The following PDCD1LG2 variants were observed in gnomAD, a reference collection of about 807,000 sequenced individuals.
PDCD1LG2 encodes the protein programmed cell death 1 ligand 2.
In PDCD1LG2, 32 loss-of-function variants were observed where a neutral mutation model predicts 28.2. The ratio of observed to expected loss-of-function variants is 1.13; its 90% CI spans 0.86 to 1.52. PDCD1LG2 has a LOEUF of 1.52. Ranked by LOEUF, PDCD1LG2 falls within the 40% of genes most tolerant of loss-of-function variation. PDCD1LG2 has a pLI of 0.00. For missense variants in PDCD1LG2, 385 were observed against 323.8 expected (o/e 1.19, Z -1.45); for synonymous variants, 116 against 120.2 (o/e 0.97, Z 0.23).
chr9:5,548,485 T>A (rs1422082100), intron 3 of PDCD1LG2, among the ~76,000 whole-genome samples: 1 of 152,352 alleles, frequency 6.6e-6, no homozygotes, highest in South Asian at 2.1e-4. Flanking sequence ...CTCTTCAACA[T>A]ACTAAATTCA....
At position 5,570,151 on chromosome 9, in the gene PDCD1LG2, A is replaced by G; in HGVS notation, c.*192A>G. ...GGCCATGAAACTTGCCCCTTCACTG[A>G]TCTGGACTCACCTCTGGAGCCTATG... On this transcript the variant is annotated 3_prime_UTR_variant, in exon 7 of 7. Coordinates refer to ENST00000397747, the MANE Select transcript of PDCD1LG2 (RefSeq NM_025239.4). 1 of 705,314 alleles carries G rather than the reference A, an allele frequency of 1.4e-6. No individual in the cohort carries two copies. The highest frequency in any genetic ancestry group is 1.7e-5 in the South Asian group (1 of 57,510). 43.7% of individuals were successfully genotyped at this position (705,314 alleles called of 1,614,324 possible). A position where few individuals can be genotyped will look rare whatever the true frequency, so the allele number is the denominator to read the frequency against.
chr9:5,532,239 C>G (rs1282121786), intron 2 of PDCD1LG2, among the ~76,000 whole-genome samples: 1 of 152,206 alleles, frequency 6.6e-6, no homozygotes, highest in Non-Finnish European at 1.5e-5. Flanking sequence ...TGTGCCCCTC[C>G]TGCACAAAAG....
intron 5 of PDCD1LG2, among the ~76,000 whole-genome samples, chr9:5,561,652 C>T (rs971336912): frequency 4.6e-5 from 7 of 152,210 alleles, no homozygotes; most frequent in Non-Finnish European, 1.0e-4. Flanking sequence ...AAGTCACCAG[C>T]TACAGAATCT....
At chr9:5,566,814 C>A (rs999473017) in intron 6 of PDCD1LG2, among the ~76,000 whole-genome samples, 1 of 152,016 alleles carries the variant, frequency 6.6e-6, no homozygotes, top group African/African-American at 2.4e-5. Context: ...TGGGGAAATA[C>A]TTTCTATATA....
At chr9:5,567,846 C>A (rs181044022) in intron 6 of PDCD1LG2, among the ~76,000 whole-genome samples, 5 of 152,324 alleles carry the variant, frequency 3.3e-5, no homozygotes, top group African/African-American at 1.2e-4. Flanking sequence ...ATAAGGTACT[C>A]AAGAAACAGT....
chr9:5,548,859 G>C (rs879711199), intron 3 of PDCD1LG2, among the ~76,000 whole-genome samples: 1 of 152,108 alleles, frequency 6.6e-6, no homozygotes, highest in Non-Finnish European at 1.5e-5. Flanking sequence ...GAAGATGTTT[G>C]GAAAAAATAC....
intron 4 of PDCD1LG2, among the ~76,000 whole-genome samples, chr9:5,556,884 A>G (rs1563832728): frequency 6.6e-6 from 1 of 152,168 alleles, no homozygotes; most frequent in Non-Finnish European, 1.5e-5. Context: ...AGGACTTTAC[A>G]AGGCTTTCCC....
intron 5 of PDCD1LG2, among the ~76,000 whole-genome samples, chr9:5,560,115 ACTT>A (rs1264066595): frequency 6.6e-6 from 1 of 152,140 alleles, no homozygotes; most frequent in Non-Finnish European, 1.5e-5. Context: ...CATAGCACCT[ACTT>A]CTTCTTTCAG....
At chr9:5,566,875 G>C (rs1816676741) in intron 6 of PDCD1LG2, among the ~76,000 whole-genome samples, 1 of 152,056 alleles carries the variant, frequency 6.6e-6, no homozygotes, top group Non-Finnish European at 1.5e-5. Context: ...TATCATTCAT[G>C]TCCTATTAAA....
intron 2 of PDCD1LG2, among the ~76,000 whole-genome samples, chr9:5,531,252 T>C (rs772452531): frequency 6.6e-6 from 1 of 152,218 alleles, no homozygotes; most frequent in Admixed American, 6.5e-5. Context: ...ATTGTTTGCA[T>C]CAGTGTCTTG....
chr9:5,534,761 A>G lies in PDCD1LG2; in HGVS notation c.72A>G (p.Thr24=), dbSNP rs754474232. The change falls in exon 3 of 7, where the codon ACA becomes ACG. Residue 24 remains threonine (T), a synonymous_variant. Transcript: ENST00000397747. ...LHQIAALFTV[T]VPKELYIIEH... is the part of the protein sequence containing the mutation. ...TCTTTTCAGCTTTATTCACAGTGAC[A>G]GTCCCTAAGGAACTGTACATAATAG... 3.9e-5 allele frequency: 62 copies of G among 1,601,300 alleles called. No homozygotes were observed. Among genetic ancestry groups the G allele is most frequent in the Non-Finnish European group, 5.1e-5 (60 of 1,171,508 alleles).
intron 2 of PDCD1LG2, among the ~76,000 whole-genome samples, chr9:5,527,725 CTG>C (rs1820405680): frequency 6.6e-6 from 1 of 152,184 alleles, no homozygotes; most frequent in South Asian, 2.1e-4. Flanking sequence ...TTGTGAGAAA[CTG>C]CCAAACCTTT....
chr9:5,518,177 C>G (rs1395753904), intron 1 of PDCD1LG2, among the ~76,000 whole-genome samples: 1 of 152,212 alleles, frequency 6.6e-6, no homozygotes, highest in Non-Finnish European at 1.5e-5. Context: ...TAGAGGCTTA[C>G]AATTTGTAAA....
At chr9:5,552,001 T>A (rs913452547) in intron 4 of PDCD1LG2, among the ~76,000 whole-genome samples, 1 of 152,164 alleles carries the variant, frequency 6.6e-6, no homozygotes, top group Non-Finnish European at 1.5e-5. Flanking sequence ...CATTCCAGAT[T>A]TCCCTCACCT....
At chr9:5,563,272 T>A in intron 6 of PDCD1LG2, 61 bp downstream of exon 6, 2 of 1,377,956 alleles carry the variant, frequency 1.5e-6, no homozygotes, top group East Asian at 4.7e-5. Flanking sequence ...GCTTGAATTT[T>A]AAAGTAACCA....
At chr9:5,538,634 G>A (rs951462810) in intron 3 of PDCD1LG2, among the ~76,000 whole-genome samples, 9 of 151,650 alleles carry the variant, frequency 5.9e-5, no homozygotes, top group African/African-American at 2.2e-4. Flanking sequence ...CTTGTAGTGA[G>A]CCGAGATCGC....
At chr9:5,521,655 G>T (rs12003838) in intron 1 of PDCD1LG2, among the ~76,000 whole-genome samples, 21,644 of 152,010 alleles carry the variant, frequency 0.14, 2,118 homozygotes, top group East Asian at 0.4. Flanking sequence ...TGATGTAAAT[G>T]AGGTTCTATC....
intron 3 of PDCD1LG2, among the ~76,000 whole-genome samples, chr9:5,543,794 G>A (rs1164686648): frequency 7.7e-6 from 1 of 129,250 alleles, no homozygotes; most frequent in African/African-American, 3.0e-5. Flanking sequence ...GGAAGCCTAG[G>A]AGTAAAATAA....
At chr9:5,568,861 A>G (rs2129970590) in intron 6 of PDCD1LG2, among the ~76,000 whole-genome samples, 1 of 152,314 alleles carries the variant, frequency 6.6e-6, no homozygotes, top group Non-Finnish European at 1.5e-5. Context: ...TATAAGAGGG[A>G]CAAACAATAC....
Sources: allele counts gnomAD v4.1 joint callset (sites outside exome capture counted in the v4.1 genomes callset), GRCh38; gene constraint gnomAD v4.1.1; transcripts MANE v1.5; gene names NCBI Gene and HGNC (gene_info 2026-07-23, HGNC 2026-07-21).